RPIA: variants seen among roughly 807,000 people sequenced by gnomAD.
RPIA encodes ribose 5-phosphate isomerase A.
In RPIA, 29 loss-of-function variants were observed where a neutral mutation model predicts 37.8. The ratio of observed to expected loss-of-function variants is 0.77; its 90% CI spans 0.57 to 1.05. RPIA has a LOEUF of 1.05. Ranked by LOEUF, RPIA falls within the 50% of genes least tolerant of loss-of-function variation. RPIA has a pLI of 0.00. For synonymous variants in RPIA, 167 were observed against 157.0 expected (o/e 1.06, Z -0.48); for missense variants, 385 against 413.6 (o/e 0.93, Z 0.60).
Position 88,729,297 on chromosome 2 carries a change from A to G in RPIA, c.422A>G (p.Gln141Arg). 2.5e-6 allele frequency: 4 copies of G among 1,614,196 alleles called. No homozygotes were observed. The highest frequency in any genetic ancestry group is 3.4e-6 in the Non-Finnish European group (4 of 1,180,026). The change falls in exon 4 of 9, where the codon CAG becomes CGG. Residue 141 changes from glutamine to arginine, a missense_variant. By Grantham distance (43) the Gln-to-Arg change is conservative. Around this residue, in one of 2 missense-constraint regions of RPIA, gnomAD observed 232 missense variants for 203.0 expected, o/e 1.14. Coordinates refer to ENST00000283646, the MANE Select transcript of RPIA (RefSeq NM_144563.3). The stretch of plus-strand genomic sequence containing the variant: ...CCGCAGGCCCGCCAGCTCATCCTGC[A>G]GTATGGCTTGACCCTCAGTGATCTG... Reference protein sequence around the residue: ...TSFQARQLILQYGLTLSDLDR... With the variant: ...TSFQARQLILRYGLTLSDLDR...
intron 2 of RPIA, 143 bp from the exon 3 acceptor site, chr2:88,699,866 C>A (rs1377679650): frequency 1.1e-5 from 9 of 833,110 alleles, no homozygotes; most frequent in Admixed American, 2.0e-5. Flanking sequence ...AACTTTCCCA[C>A]CAAGGAGGGG....
In RPIA at chr2:88,700,014, A is replaced by C. The variant is rs769380925; in HGVS notation, c.352A>C (p.Arg118=). 1 of 1,614,202 alleles carries C rather than the reference A, an allele frequency of 6.2e-7. No homozygotes were observed. The highest frequency in any genetic ancestry group is 8.5e-7 in the Non-Finnish European group (1 of 1,180,020). ...IVHAVQRIAE[R]VKQENLNLVC... is the part of the protein sequence containing the mutation. Reference sequence around the variant, plus strand: ...TATGGCTTTTGTTTCCACAGCTGAAAGGGTGAAGCAAGAGAATCTGAACCT... The same window carrying C: ...TATGGCTTTTGTTTCCACAGCTGAACGGGTGAAGCAAGAGAATCTGAACCT... Residue 118 remains arginine (R), a synonymous_variant, in exon 3 of 9, where the codon AGG becomes CGG. Transcript: ENST00000283646.
At chr2:88,700,520 C>G (rs1325936564) in intron 3 of RPIA, among the ~76,000 whole-genome samples, 1 of 152,076 alleles carries the variant, frequency 6.6e-6, no homozygotes, top group Admixed American at 6.6e-5. Context: ...GGTGTGGTGG[C>G]TTGTACCTGT....
chr2:88,748,992 C>G (rs946853575), intron 8 of RPIA, among the ~76,000 whole-genome samples: 1 of 152,206 alleles, frequency 6.6e-6, no homozygotes, highest in East Asian at 1.9e-4. Flanking sequence ...GGCTTCATTC[C>G]CAAAGTGCTG....
At chr2:88,721,932 C>T (rs1321053313) in intron 3 of RPIA, among the ~76,000 whole-genome samples, 1 of 150,462 alleles carries the variant, frequency 6.6e-6, no homozygotes, top group East Asian at 1.9e-4. Flanking sequence ...TCCAGAAAGA[C>T]CATTATAATT....
intron 3 of RPIA, among the ~76,000 whole-genome samples, chr2:88,705,614 A>T (rs1672888667): frequency 6.6e-6 from 1 of 152,184 alleles, no homozygotes; most frequent in Admixed American, 6.5e-5. Flanking sequence ...ACACTATAAA[A>T]ACCCTAGAAG....
At chr2:88,717,231 T>TGA (rs909898438) in intron 3 of RPIA, among the ~76,000 whole-genome samples, 13 of 152,202 alleles carry the variant, frequency 8.5e-5, no homozygotes, top group African/African-American at 3.1e-4. Flanking sequence ...CCCCAAAATG[T>TGA]GAGATAGGTC....
In RPIA at chr2:88,735,738, G is replaced by GT; in HGVS notation, c.596+2dup. On this transcript the variant is annotated splice_donor_variant, in intron 6 of 8. Transcript: ENST00000283646. LOFTEE classifies it high-confidence loss of function. ...GCTTCATCGTGATCGCTGATTTCAG[G>GT]TACAGTTTCTGGTGTCTGAGCTGCC... 1 of 1,613,874 alleles carries GT rather than the reference G, an allele frequency of 6.2e-7. No individual in the cohort carries two copies. The highest frequency in any genetic ancestry group is 8.5e-7 in the Non-Finnish European group (1 of 1,179,818).
Position 88,750,080 on chromosome 2 carries a change from C to A in RPIA, c.*2C>A. On this transcript the variant is annotated 3_prime_UTR_variant, in exon 9 of 9. Transcript: ENST00000283646. Reference sequence around the variant, plus strand: ...ATGAGGGAGAAGCCTTTCTGTTGACCCTGCAAGGAGCAGAGTGTGTTCACC... The same window carrying A: ...ATGAGGGAGAAGCCTTTCTGTTGACACTGCAAGGAGCAGAGTGTGTTCACC... 6.2e-7 allele frequency: 1 copy of A among 1,603,544 alleles called. No homozygotes were observed. Among genetic ancestry groups the A allele is most frequent in the Non-Finnish European group, 8.5e-7 (1 of 1,171,118 alleles).
At chr2:88,736,102 A>T (rs1217401562) in intron 6 of RPIA, among the ~76,000 whole-genome samples, 1 of 152,080 alleles carries the variant, frequency 6.6e-6, no homozygotes, top group East Asian at 1.9e-4. Context: ...ACGGGCAGTG[A>T]CTCAGCATAC....
chr2:88,750,052 A>AACATGAGGGAGAAGCCTTTCTGTTG lies in RPIA; in HGVS notation c.913_*1dup. On this transcript the variant is annotated stop_gained and frameshift_variant, in exon 9 of 9. Coordinates refer to ENST00000283646, the MANE Select transcript of RPIA (RefSeq NM_144563.3). LOFTEE classifies it high-confidence loss of function. ...CTTTGGGATGCAGGATGGCTCAGTGAACATGAGGGAGAAGCCTTTCTGTTG... is the reference window on the plus strand; with the variant it reads ...CTTTGGGATGCAGGATGGCTCAGTGAACATGAGGGAGAAGCCTTTCTGTTGACATGAGGGAGAAGCCTTTCTGTTG... The AACATGAGGGAGAAGCCTTTCTGTTG allele has an allele frequency of 6.2e-7, 1 of 1,613,050 alleles. No individual in the cohort carries two copies.
At chr2:88,715,551 A>G (rs907606492) in intron 3 of RPIA, among the ~76,000 whole-genome samples, 2 of 152,212 alleles carry the variant, frequency 1.3e-5, no homozygotes, top group Non-Finnish European at 2.9e-5. Flanking sequence ...GTTACAAGGA[A>G]GTGGGCCAAA....
At chr2:88,728,289 C>T (rs1428384281) in intron 3 of RPIA, among the ~76,000 whole-genome samples, 3 of 152,158 alleles carry the variant, frequency 2.0e-5, no homozygotes, top group East Asian at 3.9e-4. Flanking sequence ...AAGATCTTTA[C>T]GTTTTAGCCT....
rs1277266744 is a variant in RPIA at position 88,730,310 on chromosome 2, G to C, written c.462+973G>C. The stretch of plus-strand genomic sequence containing the variant: ...TAGACCAATATCCTTGATGAACATT[G>C]ATGCAAAAATCCTCAATAAAATACT... On this transcript the variant is annotated intron_variant, in intron 4 of 8. Coordinates refer to ENST00000283646, the MANE Select transcript of RPIA (RefSeq NM_144563.3). Among the ~76,000 whole-genome samples the C allele has an allele frequency of 5.8e-4, 58 of 99,756 alleles. 4 individuals carry two copies. Among genetic ancestry groups the C allele is most frequent in the Non-Finnish European group, 8.7e-4 (50 of 57,414 alleles). The allele number at this position is 99,756 out of a possible 152,430, so 65.4% of individuals were successfully genotyped here.
intron 3 of RPIA, among the ~76,000 whole-genome samples, chr2:88,720,133 G>A (rs1363210123): frequency 6.6e-6 from 1 of 151,838 alleles, no homozygotes; most frequent in African/African-American, 2.4e-5. Flanking sequence ...TACAGGACTT[G>A]GTATCCTTCT....
chr2:88,713,515 C>T (rs1672990908), intron 3 of RPIA, among the ~76,000 whole-genome samples: 2 of 152,146 alleles, frequency 1.3e-5, no homozygotes. Flanking sequence ...TCTCTAAGGA[C>T]TCACGTACCG....
intron 1 of RPIA, 61 bp downstream of exon 1, chr2:88,692,044 C>G: frequency 1.3e-6 from 2 of 1,519,284 alleles, no homozygotes; most frequent in Non-Finnish European, 1.8e-6. Flanking sequence ...GCTACTGTTG[C>G]GCGTTGTGGG....
chr2:88,696,039 T>C (rs536802634), intron 1 of RPIA, among the ~76,000 whole-genome samples: 1 of 152,196 alleles, frequency 6.6e-6, no homozygotes, highest in Non-Finnish European at 1.5e-5. Context: ...GCCTAGGGGC[T>C]GACTTTAAGT....
At chr2:88,748,464 G>A (rs1399856780) in intron 8 of RPIA, among the ~76,000 whole-genome samples, 2 of 152,152 alleles carry the variant, frequency 1.3e-5, no homozygotes, top group Non-Finnish European at 2.9e-5. Flanking sequence ...TCAGATTGCC[G>A]TCTGTAGCTT....
Sources: gnomAD v4.1 joint callset for allele counts (sites outside exome capture counted in the v4.1 genomes callset) on GRCh38, gnomAD v4.1.1 for gene constraint, gnomAD v4.1.1 regional missense constraint, MANE v1.5 for transcripts, NCBI Gene and HGNC (gene_info 2026-07-23, HGNC 2026-07-21) for gene names.